The following BTBD16 variants were observed in gnomAD, a reference collection of about 807,000 sequenced individuals.
BTBD16 encodes BTB/POZ domain-containing protein 16.
A neutral mutation model predicts 67.4 loss-of-function variants in BTBD16; 66 were observed. That is an observed-to-expected ratio of 0.98 (90% confidence interval 0.80 to 1.20). The LOEUF (loss-of-function observed/expected upper bound fraction) is 1.20, where lower values mean the gene tolerates loss of function less well. Among genes scored for constraint, BTBD16 ranks in the 50% most tolerant of loss-of-function variants. The probability of loss-of-function intolerance (pLI) is 0.00; values close to 1 mark genes in which losing one functional copy is unlikely to be tolerated. For synonymous variants in BTBD16, 242 were observed against 236.4 expected (o/e 1.02, Z -0.22); for missense variants, 634 against 616.0 (o/e 1.03, Z -0.31).
At chr10:122,295,598 C>T in intron 7 of BTBD16, 2 of 937,582 alleles carry the variant, frequency 2.1e-6, no homozygotes, top group Non-Finnish European at 2.5e-6. Context: ...TGCAGAGGCT[C>T]AGCCGAGAGA....
chr10:122,316,267 AAAAACAAAAC>A lies in BTBD16; in HGVS notation c.911+8979_911+8988del, dbSNP rs1021815360. ...GGGTGACTGAACGAGACTCCAACTC[AAAAACAAAAC>A]AAAACAAAACAAAACAAAAATCCAC... On this transcript the variant is annotated intron_variant, in intron 10 of 15. Coordinates refer to ENST00000260723, the MANE Select transcript of BTBD16 (RefSeq NM_144587.5). Among the ~76,000 whole-genome samples the A allele has an allele frequency of 5.3e-5, 8 of 152,254 alleles. No homozygotes were observed. In the East Asian group the frequency reaches 5.8e-4, roughly 11 times the overall value.
intron 4 of BTBD16, 137 bp from the exon 5 acceptor site, chr10:122,285,968 G>A (rs2096362838): frequency 1.2e-6 from 1 of 845,504 alleles, no homozygotes; most frequent in Non-Finnish European, 1.9e-6. Flanking sequence ...TCCTTTCTGA[G>A]ATGCCTGGGG....
chr10:122,280,807 G>GT (rs890657530), intron 3 of BTBD16, among the ~76,000 whole-genome samples: 20 of 151,942 alleles, frequency 1.3e-4, no homozygotes, highest in Admixed American at 7.9e-4. Flanking sequence ...GAAAACAAAG[G>GT]TTTTTTTGTT....
intron 10 of BTBD16, 24 bp from the exon 11 acceptor site, chr10:122,329,453 GTTA>G (rs1565027452): frequency 7.5e-6 from 12 of 1,610,696 alleles, no homozygotes; most frequent in Non-Finnish European, 1.0e-5. Flanking sequence ...CTGAAGGTCT[GTTA>G]TTCTTCTTTA....
intron 10 of BTBD16, among the ~76,000 whole-genome samples, chr10:122,312,506 G>A (rs940881399): frequency 6.6e-6 from 1 of 151,848 alleles, no homozygotes; most frequent in Admixed American, 6.6e-5. Flanking sequence ...AAAGACGGGG[G>A]TTTCACTATG....
chr10:122,330,264 C>T (rs549112537), intron 11 of BTBD16, among the ~76,000 whole-genome samples: 93 of 152,028 alleles, frequency 6.1e-4, no homozygotes, highest in African/African-American at 1.7e-3. Context: ...TGGGGTGAGG[C>T]GTGGTTGTAG....
intron 3 of BTBD16, among the ~76,000 whole-genome samples, chr10:122,280,345 C>T (rs61397996): frequency 0.037 from 5,586 of 152,134 alleles, 338 homozygotes; most frequent in African/African-American, 0.13. Context: ...AGATCCAGCA[C>T]GGGAGGTGTG....
intron 14 of BTBD16, among the ~76,000 whole-genome samples, chr10:122,335,935 C>T (rs970362008): frequency 6.6e-6 from 1 of 152,098 alleles, no homozygotes; most frequent in African/African-American, 2.4e-5. Context: ...GTGGCACAAT[C>T]TTGGGTTACT....
intron 2 of BTBD16, among the ~76,000 whole-genome samples, chr10:122,275,868 A>G (rs56409389): frequency 0.083 from 12,642 of 151,886 alleles, 750 homozygotes; most frequent in African/African-American, 0.17. Context: ...CATATAACCA[A>G]AAGAATAAAA....
chr10:122,314,224 T>C (rs2096419736), intron 10 of BTBD16, among the ~76,000 whole-genome samples: 1 of 152,226 alleles, frequency 6.6e-6, no homozygotes. Context: ...TTTATTTGTC[T>C]TTTAAAATTT....
intron 10 of BTBD16, among the ~76,000 whole-genome samples, chr10:122,322,991 A>G (rs2096438175): frequency 6.6e-6 from 1 of 152,036 alleles, no homozygotes; most frequent in South Asian, 2.1e-4. Flanking sequence ...GCTGTGTCTT[A>G]CTCCCTTTAC....
intron 13 of BTBD16, among the ~76,000 whole-genome samples, chr10:122,334,200 T>TA (rs59459379): frequency 0.37 from 55,004 of 149,550 alleles, 10,651 homozygotes; most frequent in East Asian, 0.69. Flanking sequence ...TTGACTTTTT[T>TA]TTTTTTTTTT....
At chr10:122,328,617 C>A (rs570841229) in intron 10 of BTBD16, 1 of 317,954 alleles carries the variant, frequency 3.1e-6, no homozygotes, top group Non-Finnish European at 4.6e-6. Flanking sequence ...TCTTGATTTA[C>A]GGAAAAATAA....
chr10:122,317,242 A>AG (rs1260605239), intron 10 of BTBD16, among the ~76,000 whole-genome samples: 4 of 152,240 alleles, frequency 2.6e-5, no homozygotes, highest in African/African-American at 9.6e-5. Context: ...TAAAACACAA[A>AG]CACGTTATAC....
intron 10 of BTBD16, among the ~76,000 whole-genome samples, chr10:122,325,666 A>T: frequency 6.6e-6 from 1 of 152,054 alleles, no homozygotes; most frequent in Non-Finnish European, 1.5e-5. Context: ...GGTTTTGTAT[A>T]TATAGATAGA....
chr10:122,333,810 T>G (rs1045804513), intron 13 of BTBD16, among the ~76,000 whole-genome samples: 2 of 152,198 alleles, frequency 1.3e-5, no homozygotes, highest in African/African-American at 4.8e-5. Context: ...AAGAATAAGA[T>G]GGATCAGTCA....
intron 10 of BTBD16, among the ~76,000 whole-genome samples, chr10:122,310,369 G>A (rs2096411628): frequency 6.6e-6 from 1 of 152,192 alleles, no homozygotes; most frequent in Non-Finnish European, 1.5e-5. Flanking sequence ...CCCCAGGGCT[G>A]ACCAGCAACA....
In BTBD16 at chr10:122,309,223, T is replaced by C. The variant is rs1487380378; in HGVS notation, c.911+1915T>C. On this transcript the variant is annotated intron_variant, in intron 10 of 15. Coordinates refer to ENST00000260723, the MANE Select transcript of BTBD16 (RefSeq NM_144587.5). ...CTCACTGCAGCCTCAAACTCCTAGG[T>C]TCAAGTGATCCTCTCGCCTCAGCCT... Among the ~76,000 whole-genome samples, 5 of 152,146 alleles carry C rather than the reference T, an allele frequency of 3.3e-5. No homozygotes were observed. In the East Asian group the frequency reaches 9.6e-4, roughly 29 times the overall value.
chr10:122,281,024 C>T (rs1249836482), intron 3 of BTBD16, among the ~76,000 whole-genome samples: 1 of 151,880 alleles, frequency 6.6e-6, no homozygotes, highest in Non-Finnish European at 1.5e-5. Flanking sequence ...CCAGGCTGGT[C>T]TCAAACTCCC....
Sources: allele counts gnomAD v4.1 joint callset (sites outside exome capture counted in the v4.1 genomes callset), GRCh38; gene constraint gnomAD v4.1.1; transcripts MANE v1.5; gene names NCBI Gene and HGNC (gene_info 2026-07-23, HGNC 2026-07-21).